Variants in ACAP2 observed in about 807,000 individuals in gnomAD.
ACAP2 encodes ArfGAP with coiled-coil, ankyrin repeat and PH domains 2.
Under a neutral mutation model 115.8 loss-of-function variants are expected in ACAP2, and 39 were observed. The ratio of observed to expected loss-of-function variants is 0.34; its 90% CI spans 0.26 to 0.44. The LOEUF (loss-of-function observed/expected upper bound fraction) is 0.44. Ranked by LOEUF, ACAP2 falls within the 20% of genes least tolerant of loss-of-function variation. ACAP2 has a pLI of 1.00. For synonymous variants in ACAP2, 289 were observed against 315.8 expected, an observed-to-expected ratio of 0.92 and a Z score of 0.90; for missense variants, 662 against 927.6, an observed-to-expected ratio of 0.71 and a Z score of 3.72.
chr3:195,292,236 A>G, intron 19 of ACAP2, 29 bp downstream of exon 19: 1 of 1,530,112 alleles, frequency 6.5e-7, no homozygotes. Flanking sequence ...TTTGATTGCT[A>G]CTGAAAATGT....
intron 2 of ACAP2, among the ~76,000 whole-genome samples, chr3:195,386,500 G>A (rs1024209058): frequency 2.0e-5 from 3 of 152,142 alleles, no homozygotes; most frequent in Admixed American, 6.5e-5. Context: ...CAGAGACATG[G>A]ATGAAGCTGG....
chr3:195,361,863 A>C (rs1732395054), intron 4 of ACAP2, among the ~76,000 whole-genome samples: 1 of 152,326 alleles, frequency 6.6e-6, no homozygotes, highest in Non-Finnish European at 1.5e-5. Flanking sequence ...CAGAAATTCT[A>C]AGGATCATTA....
At chr3:195,430,544 A>G (rs898196857) in intron 1 of ACAP2, among the ~76,000 whole-genome samples, 1 of 152,138 alleles carries the variant, frequency 6.6e-6, no homozygotes, top group African/African-American at 2.4e-5. Flanking sequence ...GCGAAACCTC[A>G]TCTGTACTAA....
intron 1 of ACAP2, among the ~76,000 whole-genome samples, chr3:195,398,678 T>TAAATAAATAAAA (rs34351092): frequency 2.0e-5 from 3 of 149,322 alleles, no homozygotes; most frequent in Admixed American, 1.3e-4. Flanking sequence ...AATAAATAAA[T>TAAATAAATAAAA]AAAATGTCTC....
chr3:195,441,271 T>A (rs911436405), intron 1 of ACAP2, among the ~76,000 whole-genome samples: 1 of 152,208 alleles, frequency 6.6e-6, no homozygotes, highest in Non-Finnish European at 1.5e-5. Context: ...CTTTCTAAGG[T>A]GCACTTTAAA....
chr3:195,417,847 G>A (rs1457271155), intron 1 of ACAP2, among the ~76,000 whole-genome samples: 3 of 152,188 alleles, frequency 2.0e-5, no homozygotes, highest in African/African-American at 7.2e-5. Flanking sequence ...TATTGAGGAG[G>A]CTAAGGTGGG....
chr3:195,351,803 AAAG>A (rs1343547246), intron 4 of ACAP2, among the ~76,000 whole-genome samples: 1 of 152,166 alleles, frequency 6.6e-6, no homozygotes, highest in Non-Finnish European at 1.5e-5. Context: ...ACACTTCACC[AAAG>A]AAGATCCATA....
chr3:195,382,125 A>G, intron 2 of ACAP2, 103 bp from the exon 3 acceptor site: 2 of 1,053,006 alleles, frequency 1.9e-6, no homozygotes, highest in Non-Finnish European at 2.7e-6. Context: ...AGTTAAGTTC[A>G]ATTTGTTTCA....
rs1334476017 is a variant in ACAP2, at chr3:195,277,325, C to T, written c.*2003G>A. The T allele has an allele frequency of 6.6e-6, 1 of 152,070 alleles. No homozygotes were observed. Among genetic ancestry groups the T allele is most frequent in the Non-Finnish European group, 1.5e-5 (1 of 68,012 alleles). 9.4% of individuals were successfully genotyped at this position (152,070 alleles called of 1,614,324 possible). On this transcript the variant is annotated 3_prime_UTR_variant, in exon 23 of 23. Transcript: ENST00000326793. Reference sequence around the variant, plus strand: ...TAAAAACTACAAATCAGATTTTTGCCTTTAGTGAAGGTGCCTAAAAAGCCA... The same window carrying T: ...TAAAAACTACAAATCAGATTTTTGCTTTTAGTGAAGGTGCCTAAAAAGCCA...
chr3:195,351,299 T>C (rs1731570257), intron 4 of ACAP2, among the ~76,000 whole-genome samples: 1 of 151,996 alleles, frequency 6.6e-6, no homozygotes, highest in Non-Finnish European at 1.5e-5. Context: ...GTACTTTTAG[T>C]AGAGACAGAG....
chr3:195,384,080 T>C (rs1734127743), intron 2 of ACAP2, among the ~76,000 whole-genome samples: 1 of 152,174 alleles, frequency 6.6e-6, no homozygotes, highest in African/African-American at 2.4e-5. Flanking sequence ...GCTATCAAAA[T>C]TTAAAACATA....
chr3:195,280,463 C>G (rs1726424360), intron 22 of ACAP2, among the ~76,000 whole-genome samples: 1 of 152,002 alleles, frequency 6.6e-6, no homozygotes, highest in Admixed American at 6.5e-5. Context: ...CAGAGCGAGA[C>G]TCTGTTTCAA....
intron 22 of ACAP2, 169 bp from the exon 23 acceptor site, chr3:195,279,597 A>C: frequency 2.3e-6 from 1 of 432,708 alleles, no homozygotes; most frequent in Non-Finnish European, 4.0e-6. Context: ...AAAATTATGC[A>C]ATGAAAGAAA....
At chr3:195,394,171 A>C (rs1412979912) in intron 1 of ACAP2, among the ~76,000 whole-genome samples, 1 of 151,948 alleles carries the variant, frequency 6.6e-6, no homozygotes, top group Non-Finnish European at 1.5e-5. Context: ...TGAATGGCGT[A>C]CCCTCCCGTG....
chr3:195,413,367 T>C (rs892642363), intron 1 of ACAP2, among the ~76,000 whole-genome samples: 3 of 152,186 alleles, frequency 2.0e-5, no homozygotes, highest in Non-Finnish European at 4.4e-5. Flanking sequence ...AAAAAAATTA[T>C]ATGTATATTT....
chr3:195,391,965 A>G (rs1734708161), intron 2 of ACAP2, 125 bp downstream of exon 2: 1 of 716,784 alleles, frequency 1.4e-6, no homozygotes, highest in Non-Finnish European at 2.3e-6. Flanking sequence ...ACTGCACTTC[A>G]GCCTGGGCGA....
chr3:195,344,210 C>T (rs1207390065), intron 5 of ACAP2, among the ~76,000 whole-genome samples: 1 of 151,882 alleles, frequency 6.6e-6, no homozygotes, highest in Non-Finnish European at 1.5e-5. Context: ...AGAGTCAGAC[C>T]CTGTCTCTAT....
intron 4 of ACAP2, among the ~76,000 whole-genome samples, chr3:195,350,784 G>A (rs1731514329): frequency 6.6e-6 from 1 of 151,924 alleles, no homozygotes; most frequent in African/African-American, 2.4e-5. Flanking sequence ...AGAGCAAGCT[G>A]GAGAGCCACA....
chr3:195,442,245 C>CG (rs1716058092), intron 1 of ACAP2: 1 of 153,220 alleles, frequency 6.5e-6, no homozygotes, highest in Admixed American at 6.5e-5. Context: ...TCGCTCTGGC[C>CG]GGGGGCACCG....
Sources: allele counts gnomAD v4.1 joint callset (sites outside exome capture counted in the v4.1 genomes callset), GRCh38; gene constraint gnomAD v4.1.1; transcripts MANE v1.5; gene names NCBI Gene and HGNC (gene_info 2026-07-23, HGNC 2026-07-21).